Variants in ACTL6B observed in about 807,000 individuals in gnomAD.
ACTL6B encodes the protein actin like 6B.
In ACTL6B, 48 loss-of-function variants were observed where a neutral mutation model predicts 63.3. The observed-to-expected ratio is 0.76, with a 90% CI of 0.60 to 0.96. The LOEUF (loss-of-function observed/expected upper bound fraction) is 0.96. Among genes scored for constraint, ACTL6B ranks in the 50% least tolerant of loss-of-function variants. The pLI, the probability that ACTL6B is intolerant of heterozygous loss-of-function variation, is 0.00. For synonymous variants in ACTL6B, 230 were observed against 223.8 expected (o/e 1.03, Z -0.25); for missense variants, 350 against 572.2 (o/e 0.61, Z 3.96).
chr7:100,655,818 C>G lies in ACTL6B; in HGVS notation c.87G>C (p.Gly29=). The change falls in exon 2 of 14, where the codon GGG becomes GGC. Residue 29 remains glycine, a synonymous_variant. Transcript: ENST00000160382. This position sits in a 1 kb window ranked among gnomAD's most constrained non-coding sequence, Gnocchi z 4.4. ...GSFSVRAGYA[G]EDCPKADFPT... is the part of the protein sequence containing the mutation. Reference sequence around the variant, plus strand: ...GAAGGCTCACCTTGGGACAGTCCTCCCCAGCGTACCCAGCGCGGACTGAGA... The same window carrying G: ...GAAGGCTCACCTTGGGACAGTCCTCGCCAGCGTACCCAGCGCGGACTGAGA... 1 of 1,572,478 alleles carries G rather than the reference C, an allele frequency of 6.4e-7. No individual in the cohort carries two copies. Among genetic ancestry groups the G allele is most frequent in the South Asian group, 1.2e-5 (1 of 85,722 alleles).
Position 100,646,196 on chromosome 7 carries a change from G to A in ACTL6B, c.1200+53C>T, listed in dbSNP as rs977914637. The A allele has an allele frequency of 6.8e-7, 1 of 1,478,142 alleles. No individual in the cohort carries two copies. The highest frequency in any genetic ancestry group is 9.3e-7 in the Non-Finnish European group (1 of 1,075,942). 91.6% of individuals were successfully genotyped at this position (1,478,142 alleles called of 1,614,324 possible). On this transcript the variant is annotated intron_variant, in intron 13 of 13. Coordinates refer to ENST00000160382, the MANE Select transcript of ACTL6B (RefSeq NM_016188.5). The surrounding 1 kb of genome is among the most constrained non-coding windows in gnomAD (Gnocchi z 6.1). ...GCAGTCAAAGTGGCGGGCACTGTCT[G>A]GGTCTCCCCTCTCCCCCACAGTCAG... is the stretch of plus-strand genomic sequence containing the variant.
intron 13 of ACTL6B, among the ~76,000 whole-genome samples, chr7:100,643,776 A>C (rs558968937): frequency 6.6e-6 from 1 of 152,196 alleles, no homozygotes; most frequent in East Asian, 1.9e-4. Context: ...TCACCATTCC[A>C]ACACTGTGGC....
At position 100,646,231 on chromosome 7, in the gene ACTL6B, A is replaced by G; in HGVS notation, c.1200+18T>C. On this transcript the variant is annotated intron_variant, in intron 13 of 13. Coordinates refer to ENST00000160382, the MANE Select transcript of ACTL6B (RefSeq NM_016188.5). The surrounding 1 kb of genome is among the most constrained non-coding windows in gnomAD (Gnocchi z 6.1). ...TCTCCCCCACAGTCAGTGCTAGGCC[A>G]GGTCCCTTTCCTCTCACCAGTGAGG... 2 of 1,611,242 alleles carry G rather than the reference A, an allele frequency of 1.2e-6. No homozygotes were observed. Among genetic ancestry groups the G allele is most frequent in the East Asian group, 4.5e-5 (2 of 44,834 alleles).
Position 100,655,326 on chromosome 7 carries a change from A to G in ACTL6B, c.268+95T>C. 2.1e-6 allele frequency: 3 copies of G among 1,432,416 alleles called. No individual in the cohort carries two copies. Among genetic ancestry groups the G allele is most frequent in the Non-Finnish European group, 2.9e-6 (3 of 1,050,522 alleles). The allele number at this position is 1,432,416 out of a possible 1,614,324, so 88.7% of individuals were successfully genotyped here. On this transcript the variant is annotated intron_variant, in intron 3 of 13. Transcript: ENST00000160382. This position sits in a 1 kb window ranked among gnomAD's most constrained non-coding sequence, Gnocchi z 4.4. ...GCAGCCAGAAGAACCCTGGGGCTGC[A>G]AGGAAGACTCCGCGGGGAGTGGGGG...
At position 100,646,515 on chromosome 7, in the gene ACTL6B, G is replaced by A; in HGVS notation, c.1113+36C>T. On this transcript the variant is annotated intron_variant, in intron 12 of 13. Transcript: ENST00000160382. This position sits in a 1 kb window ranked among gnomAD's most constrained non-coding sequence, Gnocchi z 6.1. ...AGTCCTGGACAGCTGAGCCAGGACG[G>A]GTGTCCAGGGCTCTGGGTCAGGGGT... 1.2e-6 allele frequency: 2 copies of A among 1,601,744 alleles called. No homozygotes were observed. The highest frequency in any genetic ancestry group is 2.2e-5 in the South Asian group (2 of 90,814).
intron 4 of ACTL6B, among the ~76,000 whole-genome samples, chr7:100,652,858 G>C (rs1803966132): frequency 6.6e-6 from 1 of 150,666 alleles, no homozygotes; most frequent in African/African-American, 2.4e-5. Flanking sequence ...AAAATTAGCT[G>C]GGCGTGGTGG....
chr7:100,644,285 C>T (rs1803779160), intron 13 of ACTL6B, among the ~76,000 whole-genome samples: 1 of 152,160 alleles, frequency 6.6e-6, no homozygotes, highest in African/African-American at 2.4e-5. Flanking sequence ...CGTTCCACCT[C>T]AGCCTCCCAT....
chr7:100,643,448 A>T, intron 13 of ACTL6B, 122 bp from the exon 14 acceptor site: 1 of 887,616 alleles, frequency 1.1e-6, no homozygotes, highest in Non-Finnish European at 1.8e-6. Context: ...ATCCCTCTGA[A>T]GCCCCTCCCC....
intron 5 of ACTL6B, among the ~76,000 whole-genome samples, chr7:100,649,734 CCGCAGTGTTCT>C (rs1418412148): frequency 6.6e-6 from 1 of 152,204 alleles, no homozygotes; most frequent in African/African-American, 2.4e-5. Context: ...GAAGGGACTG[CCGCAGTGTTCT>C]ACACGTCTCC....
At position 100,652,376 on chromosome 7, in the gene ACTL6B, C is replaced by T. The variant is rs149127191; in HGVS notation, c.370-2241G>A. On this transcript the variant is annotated intron_variant, in intron 4 of 13. Coordinates refer to ENST00000160382, the MANE Select transcript of ACTL6B (RefSeq NM_016188.5). ...AATGGAGCTTTCAGTGAGCCGAGAT[C>T]GCACCACTGCACTCCAGCCTGGGCA... Among the ~76,000 whole-genome samples the T allele has an allele frequency of 1.8e-3, 270 of 148,324 alleles. 1 individual carries two copies. In the East Asian group the frequency reaches 0.024, roughly 13 times the overall value.
chr7:100,648,661 G>T lies in ACTL6B; in HGVS notation c.564C>A (p.Gly188=), dbSNP rs1200171988. ...CCCCTGCCAGAGGGGACTTGACGAT[G>T]CCTAGAAGGAAGGCACTGTCAGGAC... The part of the protein sequence containing the change: ...PVHDGYVLQQ[G]IVKSPLAGDF... Residue 188 remains glycine (G), a splice_region_variant and synonymous_variant, in exon 7 of 14, where the codon GGC becomes GGA. Transcript: ENST00000160382. The surrounding 1 kb of genome is among the most constrained non-coding windows in gnomAD (Gnocchi z 4.4). 6.2e-7 allele frequency: 1 copy of T among 1,612,496 alleles called. No individual in the cohort carries two copies. The highest frequency in any genetic ancestry group is 2.2e-5 in the East Asian group (1 of 44,810).
In ACTL6B at chr7:100,647,545, CAGTGT is replaced by C. The variant is rs1366890621; in HGVS notation, c.670-17_670-13del. On this transcript the variant is annotated splice_polypyrimidine_tract_variant and intron_variant, in intron 7 of 13. Coordinates refer to ENST00000160382, the MANE Select transcript of ACTL6B (RefSeq NM_016188.5). This position sits in a 1 kb window ranked among gnomAD's most constrained non-coding sequence, Gnocchi z 4.4. Reference sequence around the variant, plus strand: ...TCCCGGACAGGCTCCTGTGGGGGCACAGTGTAGGAACACCCTTTCCTAGCCCACCT... The same window carrying C: ...TCCCGGACAGGCTCCTGTGGGGGCACAGGAACACCCTTTCCTAGCCCACCT... 6.3e-7 allele frequency: 1 copy of C among 1,580,576 alleles called. No homozygotes were observed. The highest frequency in any genetic ancestry group is 1.7e-5 in the Admixed American group (1 of 57,228).
chr7:100,648,718 C>G lies in ACTL6B; in HGVS notation c.562+11G>C, dbSNP rs367650090. On this transcript the variant is annotated intron_variant, in intron 6 of 13. Transcript: ENST00000160382. This position sits in a 1 kb window ranked among gnomAD's most constrained non-coding sequence, Gnocchi z 4.4. ...CTCCTGGAGCACCCCCACCCCCTGC[C>G]GAAGCCCCACCTTGCTGCAGAACGT... 1 of 1,613,918 alleles carries G rather than the reference C, an allele frequency of 6.2e-7. No individual in the cohort carries two copies. The highest frequency in any genetic ancestry group is 1.1e-5 in the South Asian group (1 of 91,046).
chr7:100,649,957 C>T (rs950295675), intron 5 of ACTL6B, 81 bp downstream of exon 5: 2 of 1,317,082 alleles, frequency 1.5e-6, no homozygotes, highest in Non-Finnish European at 2.2e-6. Flanking sequence ...AGGCCTGACC[C>T]TCCAGCTCAT....
chr7:100,648,533 C>T lies in ACTL6B; in HGVS notation c.669+23G>A. The T allele has an allele frequency of 1.3e-6, 2 of 1,561,620 alleles. No homozygotes were observed. Among genetic ancestry groups the T allele is most frequent in the Admixed American group, 1.9e-5 (1 of 53,984 alleles). ...CGAGTGGCCAGGACTCTAGTGGCAG[C>T]TCCATGTCCCCAGAGGCCCCACCTT... On this transcript the variant is annotated intron_variant, in intron 7 of 13. Transcript: ENST00000160382. The surrounding 1 kb of genome is among the most constrained non-coding windows in gnomAD (Gnocchi z 4.4).
At position 100,646,032 on chromosome 7, in the gene ACTL6B, A is replaced by G. The variant is rs1803814941; in HGVS notation, c.1200+217T>C. On this transcript the variant is annotated intron_variant, in intron 13 of 13. Transcript: ENST00000160382. The surrounding 1 kb of genome is among the most constrained non-coding windows in gnomAD (Gnocchi z 6.1). ...GCCATCCCCCCACTTCAGCCACCCA[A>G]AGTGCTGGGATGACAGGTGTGGGCC... 6.6e-6 allele frequency among the ~76,000 whole-genome samples: 1 copy of G among 152,002 alleles called. No homozygotes were observed. The highest frequency in any genetic ancestry group is 1.5e-5 in the Non-Finnish European group (1 of 68,002).
Position 100,647,371 on chromosome 7 carries a change from T to C in ACTL6B, c.759+73A>G. ...CTCCCCCTCCCTGCTCCCCCTCCCA[T>C]GCGGGGCCTCTGTCCCGCCCCCGAT... On this transcript the variant is annotated intron_variant, in intron 8 of 13. Transcript: ENST00000160382. This position sits in a 1 kb window ranked among gnomAD's most constrained non-coding sequence, Gnocchi z 4.4. 1 of 1,597,146 alleles carries C rather than the reference T, an allele frequency of 6.3e-7. No homozygotes were observed. The highest frequency in any genetic ancestry group is 1.7e-5 in the Admixed American group (1 of 59,950).
rs1184748268 is a variant in ACTL6B at position 100,656,312 on chromosome 7, G to A, written c.25+18C>T. The A allele has an allele frequency of 7.2e-7, 1 of 1,382,858 alleles. No homozygotes were observed. The highest frequency in any genetic ancestry group is 1.6e-5 in the South Asian group (1 of 61,916). The allele number at this position is 1,382,858 out of a possible 1,614,324, so 85.7% of individuals were successfully genotyped here. A position where few individuals can be genotyped will look rare whatever the true frequency, so the allele number is the denominator to read the frequency against. ...GGAACGCAGGGCTGCGGGAGCCGGG[G>A]GCCCGAGGCTCGCTCACCTCCGCCG... On this transcript the variant is annotated intron_variant, in intron 1 of 13. Coordinates refer to ENST00000160382, the MANE Select transcript of ACTL6B (RefSeq NM_016188.5).
In ACTL6B at chr7:100,647,738, G is replaced by A; in HGVS notation, c.670-205C>T. 5.5e-6 allele frequency: 3 copies of A among 543,926 alleles called. No individual in the cohort carries two copies. The highest frequency in any genetic ancestry group is 9.8e-6 in the Non-Finnish European group (3 of 307,658). 33.7% of individuals were successfully genotyped at this position (543,926 alleles called of 1,614,324 possible). On this transcript the variant is annotated intron_variant, in intron 7 of 13. Coordinates refer to ENST00000160382, the MANE Select transcript of ACTL6B (RefSeq NM_016188.5). This position sits in a 1 kb window ranked among gnomAD's most constrained non-coding sequence, Gnocchi z 4.4. ...TCCATGTGTGCCTTTCATGCGGTGG[G>A]TGCAGCTGATCTGGAGAACACCAGG...
Sources: gnomAD v4.1 joint callset for allele counts (sites outside exome capture counted in the v4.1 genomes callset) on GRCh38, gnomAD v4.1.1 for gene constraint, Gnocchi (gnomAD v3.1) non-coding constraint, MANE v1.5 for transcripts, NCBI Gene and HGNC (gene_info 2026-07-23, HGNC 2026-07-21) for gene names.